The following FMN1 variants were observed in gnomAD, a reference collection of about 807,000 sequenced individuals.
FMN1 encodes the protein formin 1.
A neutral mutation model predicts 132.4 loss-of-function variants in FMN1; 110 were observed. The observed-to-expected ratio is 0.83, with a 90% confidence interval of 0.71 to 0.97. The LOEUF is 0.97. Among genes scored for constraint, FMN1 ranks in the 50% least tolerant of loss-of-function variants. The pLI, the probability that FMN1 is intolerant of heterozygous loss-of-function variation, is 0.00. For missense variants in FMN1, 1,792 were observed against 1,705.3 expected, an observed-to-expected ratio of 1.05 and a Z score of -0.90; for synonymous variants, 722 against 651.7, an observed-to-expected ratio of 1.11 and a Z score of -1.64.
At chr15:32,875,711 G>A (rs1357338822) in intron 16 of FMN1, among the ~76,000 whole-genome samples, 1 of 152,208 alleles carries the variant, frequency 6.6e-6, no homozygotes, top group East Asian at 1.9e-4. Context: ...TCATTTGGTT[G>A]ACTGACATGA....
intron 6 of FMN1, among the ~76,000 whole-genome samples, chr15:33,048,157 C>G (rs1176797962): frequency 2.0e-5 from 3 of 151,990 alleles, no homozygotes; most frequent in South Asian, 2.1e-4. Context: ...CTAAATTATG[C>G]AGGTCAGATA....
chr15:32,939,944 A>T (rs1474735246), intron 9 of FMN1, among the ~76,000 whole-genome samples: 1 of 152,212 alleles, frequency 6.6e-6, no homozygotes, highest in African/African-American at 2.4e-5. Flanking sequence ...CAAATACAAA[A>T]GTTATAAGAA....
At chr15:33,079,954 A>G (rs1566897140) in intron 5 of FMN1, among the ~76,000 whole-genome samples, 2 of 152,162 alleles carry the variant, frequency 1.3e-5, no homozygotes, top group South Asian at 2.1e-4. Flanking sequence ...TTTCTTGATC[A>G]CTTATAAGCA....
At chr15:32,926,645 C>T (rs981503786) in intron 9 of FMN1, among the ~76,000 whole-genome samples, 2 of 152,156 alleles carry the variant, frequency 1.3e-5, no homozygotes, top group Non-Finnish European at 2.9e-5. Flanking sequence ...TTCATAGCCT[C>T]CAATCTTTTT....
Position 33,168,136 on chromosome 15 carries a change from G to A in FMN1, c.-132+12062C>T, listed in dbSNP as rs76709684. Among the ~76,000 whole-genome samples the A allele has an allele frequency of 6.4e-3, 969 of 152,240 alleles. 6 individuals carry two copies. Among genetic ancestry groups the A allele is most frequent in the African/African-American group, 0.022 (914 of 41,532 alleles). On this transcript the variant is annotated intron_variant, in intron 3 of 20. Transcript: ENST00000616417. Reference sequence around the variant, plus strand: ...CTTAGGGAGGTTAAGTAACTTGTCCGAAGTCACAGAGTTATTCAGTCACAG... The same window carrying A: ...CTTAGGGAGGTTAAGTAACTTGTCCAAAGTCACAGAGTTATTCAGTCACAG...
intron 6 of FMN1, among the ~76,000 whole-genome samples, chr15:33,052,319 A>G (rs1436112969): frequency 2.0e-5 from 3 of 152,232 alleles, no homozygotes; most frequent in Admixed American, 6.5e-5. Flanking sequence ...GGTTACTAGG[A>G]AGACTACAGA....
At chr15:33,042,885 G>A (rs192434644) in intron 6 of FMN1, among the ~76,000 whole-genome samples, 1 of 152,072 alleles carries the variant, frequency 6.6e-6, no homozygotes, top group African/African-American at 2.4e-5. Context: ...TCCATGTCAT[G>A]GGATTCCATA....
intron 6 of FMN1, among the ~76,000 whole-genome samples, chr15:33,062,253 G>A (rs1595381044): frequency 6.6e-6 from 1 of 152,076 alleles, no homozygotes; most frequent in South Asian, 2.1e-4. Context: ...TATAGACAAA[G>A]ACTTACAGTA....
At chr15:33,075,900 C>T (rs1218724717) in intron 5 of FMN1, among the ~76,000 whole-genome samples, 1 of 152,108 alleles carries the variant, frequency 6.6e-6, no homozygotes, top group Non-Finnish European at 1.5e-5. Context: ...AGTGCTGCTT[C>T]ATTACAAATG....
intron 7 of FMN1, among the ~76,000 whole-genome samples, chr15:32,995,667 GTTTA>G (rs2033721897): frequency 6.6e-6 from 1 of 152,126 alleles, no homozygotes; most frequent in Non-Finnish European, 1.5e-5. Context: ...CTCAATTGGT[GTTTA>G]CCAATCATGA....
intron 4 of FMN1, among the ~76,000 whole-genome samples, chr15:33,105,539 G>A (rs920890377): frequency 2.6e-5 from 4 of 152,090 alleles, no homozygotes; most frequent in African/African-American, 7.2e-5. Context: ...CTGCCTAAAG[G>A]CAAGGCTGAC....
chr15:32,839,489 G>A (rs918870391), intron 17 of FMN1, among the ~76,000 whole-genome samples: 11 of 152,008 alleles, frequency 7.2e-5, no homozygotes, highest in Non-Finnish European at 1.6e-4. Flanking sequence ...TGAAGCCCCC[G>A]GATTCCACAG....
chr15:32,958,370 G>GTTC (rs2030074468), intron 9 of FMN1, among the ~76,000 whole-genome samples: 2 of 152,242 alleles, frequency 1.3e-5, no homozygotes, highest in East Asian at 1.9e-4. Context: ...ATGAACAAGT[G>GTTC]TTCATCATCA....
intron 18 of FMN1, among the ~76,000 whole-genome samples, chr15:32,803,249 C>T (rs1477745952): frequency 1.3e-5 from 2 of 152,216 alleles, no homozygotes; most frequent in East Asian, 3.8e-4. Context: ...TACCTGTCAT[C>T]TAATTTACCA....
At chr15:32,896,533 T>A (rs964084976) in intron 15 of FMN1, among the ~76,000 whole-genome samples, 4 of 152,142 alleles carry the variant, frequency 2.6e-5, no homozygotes, top group African/African-American at 4.8e-5. Flanking sequence ...CTCTAGAACT[T>A]CTTCATCTTA....
chr15:32,823,152 GTTTTTTTTTTTTTTTT>G (rs373185751), intron 17 of FMN1, among the ~76,000 whole-genome samples: 13 of 86,222 alleles, frequency 1.5e-4, no homozygotes, highest in South Asian at 8.3e-4. Context: ...AGTTTCTACT[GTTTTTTTTTTTTTTTT>G]TTTTTTTTTT....
chr15:32,960,568 T>C (rs2030397243), intron 9 of FMN1, among the ~76,000 whole-genome samples: 1 of 152,230 alleles, frequency 6.6e-6, no homozygotes, highest in Admixed American at 6.5e-5. Context: ...TTGAAGTCAG[T>C]GGGAAAATCT....
At chr15:32,930,558 T>G (rs1423005478) in intron 9 of FMN1, among the ~76,000 whole-genome samples, 1 of 152,172 alleles carries the variant, frequency 6.6e-6, no homozygotes, top group African/African-American at 2.4e-5. Context: ...TGGAGAAATG[T>G]TTGGATAAGT....
Position 32,779,951 on chromosome 15 carries a change from C to G in FMN1, c.4131-3032G>C, listed in dbSNP as rs138406625. ...GAGAGTGAAGAATCCTGCAGTGATA[C>G]AGTGAATAGTCCATCTGTGATGATG... On this transcript the variant is annotated intron_variant, in intron 19 of 20. Coordinates refer to ENST00000616417, the MANE Select transcript of FMN1 (RefSeq NM_001277313.2). 3.3e-5 allele frequency among the ~76,000 whole-genome samples: 5 copies of G among 152,298 alleles called. No homozygotes were observed. In the East Asian group the frequency reaches 9.6e-4, roughly 29 times the overall value.
Sources: gnomAD v4.1 joint callset for allele counts (sites outside exome capture counted in the v4.1 genomes callset) on GRCh38, gnomAD v4.1.1 for gene constraint, MANE v1.5 for transcripts, NCBI Gene and HGNC (gene_info 2026-07-23, HGNC 2026-07-21) for gene names.